Variants in PEAK1 observed in about 807,000 individuals in gnomAD.
PEAK1 encodes pseudopodium enriched atypical kinase 1.
Under a neutral mutation model 124.7 loss-of-function variants are expected in PEAK1, and 54 were observed. The observed-to-expected ratio is 0.43, with a 90% confidence interval of 0.35 to 0.54. The LOEUF (loss-of-function observed/expected upper bound fraction) is 0.54, where lower values mean the gene tolerates loss of function less well. Among genes scored for constraint, PEAK1 ranks in the 20% least tolerant of loss-of-function variants. The pLI is 0.01. For synonymous variants in PEAK1, 719 were observed against 760.0 expected (o/e 0.95, Z 0.89); for missense variants, 2,046 against 2,134.5 (o/e 0.96, Z 0.82).
chr15:77,186,945 A>G lies in PEAK1; in HGVS notation c.-114-4905T>C, dbSNP rs544957001. The stretch of plus-strand genomic sequence containing the variant: ...CCTGCTCAACACCAACGCTCCCCAA[A>G]TGGGAAACTCCAGTCTCCAAAGTTA... On this transcript the variant is annotated intron_variant, in intron 6 of 9. Coordinates refer to ENST00000682557, the MANE Select transcript of PEAK1 (RefSeq NM_001385026.1). Among the ~76,000 whole-genome samples the G allele has an allele frequency of 1.3e-3, 205 of 152,344 alleles. 1 individual carries two copies. Among genetic ancestry groups the G allele is most frequent in the African/African-American group, 4.8e-3 (200 of 41,590 alleles).
intron 8 of PEAK1, among the ~76,000 whole-genome samples, chr15:77,152,126 A>G (rs555312365): frequency 6.6e-6 from 1 of 152,268 alleles, no homozygotes; most frequent in Non-Finnish European, 1.5e-5. Flanking sequence ...ATGAACATGT[A>G]ATGTTCTTCC....
chr15:77,114,548 C>T lies in PEAK1; in HGVS notation c.4849G>A (p.Glu1617Lys). The change falls in exon 10 of 10, where the codon GAG becomes AAG. Residue 1617 changes from glutamate (E) to lysine (K), a missense_variant. Physicochemically the swap from Glu to Lys is moderately conservative, Grantham distance 56. Coordinates refer to ENST00000682557, the MANE Select transcript of PEAK1 (RefSeq NM_001385026.1). Reference protein sequence around the residue: ...NPFDENPELKEREYTRADLPR... With the variant: ...NPFDENPELKKREYTRADLPR... ...AGGTCTGCTCGTGTGTATTCCCTCT[C>T]CTTCAGCTCTGGGTTCTCATCAAAG... 6.2e-7 allele frequency: 1 copy of T among 1,614,134 alleles called. No individual in the cohort carries two copies. The highest frequency in any genetic ancestry group is 8.5e-7 in the Non-Finnish European group (1 of 1,180,024).
chr15:77,188,232 G>A (rs1381997238), intron 6 of PEAK1, among the ~76,000 whole-genome samples: 1 of 152,208 alleles, frequency 6.6e-6, no homozygotes, highest in East Asian at 1.9e-4. Flanking sequence ...CTTAATTTTG[G>A]AAACTTAATG....
chr15:77,167,029 A>G (rs2056150567), intron 7 of PEAK1, among the ~76,000 whole-genome samples: 1 of 152,056 alleles, frequency 6.6e-6, no homozygotes, highest in Non-Finnish European at 1.5e-5. Context: ...GCATTTATAT[A>G]CTCCAGGTGA....
At chr15:77,386,118 G>A (rs1346442362) in intron 1 of PEAK1, among the ~76,000 whole-genome samples, 3 of 152,144 alleles carry the variant, frequency 2.0e-5, no homozygotes, top group Admixed American at 6.5e-5. Context: ...AACATATATA[G>A]AACTAAAGGC....
At chr15:77,333,117 C>A in intron 2 of PEAK1, 3 of 981,834 alleles carry the variant, frequency 3.1e-6, no homozygotes, top group Non-Finnish European at 3.6e-6. Flanking sequence ...GTATTTGATA[C>A]ATAATTTTTT....
chr15:77,341,393 G>A (rs1048186535), intron 2 of PEAK1, among the ~76,000 whole-genome samples: 66 of 152,080 alleles, frequency 4.3e-4, no homozygotes, highest in Admixed American at 6.5e-5. Context: ...CCAGCTCCTC[G>A]GGAGGCTGAG....
chr15:77,245,042 C>A (rs966201452), intron 6 of PEAK1, among the ~76,000 whole-genome samples: 1 of 152,140 alleles, frequency 6.6e-6, no homozygotes, highest in African/African-American at 2.4e-5. Flanking sequence ...TTCCCCCTAC[C>A]ACTTCAATGT....
At chr15:77,391,410 A>G (rs1246029582) in intron 1 of PEAK1, among the ~76,000 whole-genome samples, 1 of 148,324 alleles carries the variant, frequency 6.7e-6, no homozygotes, top group African/African-American at 2.5e-5. Context: ...TATATTCTAA[A>G]CTTTATATAT....
chr15:77,407,384 T>A (rs188584216), intron 1 of PEAK1, among the ~76,000 whole-genome samples: 11 of 152,098 alleles, frequency 7.2e-5, no homozygotes, highest in Admixed American at 6.5e-4. Context: ...GACAAAAGAC[T>A]ACTATCCAGA....
At chr15:77,358,740 G>C (rs202227569) in intron 2 of PEAK1, among the ~76,000 whole-genome samples, 1 of 152,172 alleles carries the variant, frequency 6.6e-6, no homozygotes, top group Non-Finnish European at 1.5e-5. Context: ...ACTTTATATG[G>C]GGAAGCGAGA....
intron 8 of PEAK1, among the ~76,000 whole-genome samples, chr15:77,139,507 C>A (rs1024516977): frequency 6.6e-6 from 1 of 152,058 alleles, no homozygotes; most frequent in Non-Finnish European, 1.5e-5. Flanking sequence ...TAATGCCTTG[C>A]GCTGTGATGT....
At chr15:77,132,918 G>A in intron 9 of PEAK1, 87 bp downstream of exon 9, 1 of 1,346,542 alleles carries the variant, frequency 7.4e-7, no homozygotes, top group South Asian at 1.4e-5. Context: ...GAAGAATGAA[G>A]GAAAGAAAGG....
At chr15:77,168,382 TTA>T (rs1457175180) in intron 7 of PEAK1, among the ~76,000 whole-genome samples, 3 of 152,168 alleles carry the variant, frequency 2.0e-5, no homozygotes, top group Non-Finnish European at 2.9e-5. Context: ...ATATTATGGC[TTA>T]CCAGGGGTAA....
At position 77,111,360 on chromosome 15, in the gene PEAK1, T is replaced by G. The variant is rs972134731; in HGVS notation, c.*2796A>C. ...ATAATGTTAAACTGACTGAATTTCA[T>G]TTTTTTGGAAAAATATTCTGAAGAC... On this transcript the variant is annotated 3_prime_UTR_variant, in exon 10 of 10. Coordinates refer to ENST00000682557, the MANE Select transcript of PEAK1 (RefSeq NM_001385026.1). 1 of 152,248 alleles carries G rather than the reference T, an allele frequency of 6.6e-6. No individual in the cohort carries two copies. Among genetic ancestry groups the G allele is most frequent in the Non-Finnish European group, 1.5e-5 (1 of 68,048 alleles). The allele number at this position is 152,248 out of a possible 1,614,324, so 9.4% of individuals were successfully genotyped here.
chr15:77,105,986 T>C (rs2050747200), downstream of PEAK1: 1 of 152,264 alleles, frequency 6.6e-6, no homozygotes, highest in Non-Finnish European at 1.5e-5. Context: ...CTCCAGGCTC[T>C]CCAGTTACAC....
intron 1 of PEAK1, among the ~76,000 whole-genome samples, chr15:77,376,848 T>C (rs972419343): frequency 3.9e-5 from 6 of 152,224 alleles, no homozygotes; most frequent in African/African-American, 1.4e-4. Context: ...AAAGAAATCA[T>C]GCCTTTAACA....
intron 1 of PEAK1, among the ~76,000 whole-genome samples, chr15:77,378,392 G>A (rs969101898): frequency 2.0e-5 from 3 of 152,000 alleles, no homozygotes; most frequent in South Asian, 4.1e-4. Context: ...TGAAATGATC[G>A]TCAAAAATTC....
At chr15:77,182,103 T>C in intron 6 of PEAK1, 63 bp from the exon 7 acceptor site, 1 of 1,278,854 alleles carries the variant, frequency 7.8e-7, no homozygotes. Flanking sequence ...CTTACCATTA[T>C]TAGTGACTTG....
Sources: gnomAD v4.1 joint callset for allele counts (sites outside exome capture counted in the v4.1 genomes callset) on GRCh38, gnomAD v4.1.1 for gene constraint, MANE v1.5 for transcripts, NCBI Gene and HGNC (gene_info 2026-07-23, HGNC 2026-07-21) for gene names.